The following ZNF628 variants were observed in gnomAD, a reference collection of about 807,000 sequenced individuals.
ZNF628 encodes the protein zinc finger protein 628, also known as zinc finger protein Zec.
ZNF628 carries 3 observed loss-of-function variants against 2.5 expected under a neutral mutation model. The ratio of observed to expected loss-of-function variants is 1.19; its 90% CI spans 0.54 to 3.07. ZNF628 has a LOEUF of 3.07. Ranked by LOEUF, ZNF628 falls within the 30% of genes most tolerant of loss-of-function variation. ZNF628 has a pLI of 0.03. For synonymous variants in ZNF628, 861 were observed against 717.1 expected, an observed-to-expected ratio of 1.20 and a Z score of -3.21; for missense variants, 1,610 against 1,517.1, an observed-to-expected ratio of 1.06 and a Z score of -1.02.
At position 55,483,095 on chromosome 19, in the gene ZNF628, C is replaced by A. The variant is rs778452703; in HGVS notation, c.1902C>A (p.Ala634=). ...CPICGRGFVM[A]AYLQRHLRTH... ...TCTGCGGTCGCGGCTTCGTTATGGC[C>A]GCCTATCTGCAGCGGCACCTGAGGA... The change falls in exon 3 of 3, where the codon GCC becomes GCA. Residue 634 remains alanine, a synonymous_variant. Transcript: ENST00000598519. 3 of 1,606,002 alleles carry A rather than the reference C, an allele frequency of 1.9e-6. No individual in the cohort carries two copies. Among genetic ancestry groups the A allele is most frequent in the South Asian group, 1.1e-5 (1 of 90,924 alleles).
Position 55,482,778 on chromosome 19 carries a change from C to A in ZNF628, c.1585C>A (p.Leu529Met), listed in dbSNP as rs1426382104. The change falls in exon 3 of 3, where the codon CTG becomes ATG. Residue 529 changes from leucine (L) to methionine (M), a missense_variant. Coordinates refer to ENST00000598519, the MANE Select transcript of ZNF628 (RefSeq NM_033113.3). ...FKWSSHYQYHLRLHSGERPYA... is the reference protein window; with the variant it reads ...FKWSSHYQYHMRLHSGERPYA... ...GTGGTCGTCCCACTACCAGTACCAC[C>A]TGCGGCTGCACTCTGGCGAGCGGCC... The A allele has an allele frequency of 6.2e-7, 1 of 1,611,044 alleles. No homozygotes were observed. The highest frequency in any genetic ancestry group is 8.5e-7 in the Non-Finnish European group (1 of 1,178,220).
rs1461341101 is a variant in ZNF628, at chr19:55,482,646, G to T, written c.1453G>T (p.Gly485Cys). 2 of 1,609,224 alleles carry T rather than the reference G, an allele frequency of 1.2e-6. No individual in the cohort carries two copies. Among genetic ancestry groups the T allele is most frequent in the Non-Finnish European group, 1.7e-6 (2 of 1,178,650 alleles). ...DHTGERPYQC[G>C]ECGKAFKRSS... ...CACGGGCGAGCGGCCCTACCAGTGT[G>T]GCGAGTGCGGCAAGGCCTTCAAGCG... The change falls in exon 3 of 3, where the codon GGC becomes TGC. Residue 485 changes from glycine (G) to cysteine (C), a missense_variant. Coordinates refer to ENST00000598519, the MANE Select transcript of ZNF628 (RefSeq NM_033113.3).
At chr19:55,480,132 T>C (rs997207758) in intron 2 of ZNF628, among the ~76,000 whole-genome samples, 3 of 151,820 alleles carry the variant, frequency 2.0e-5, no homozygotes, top group Non-Finnish European at 4.4e-5. Flanking sequence ...GGATGGTAGA[T>C]GGGCTGGAGT....
Position 55,481,250 on chromosome 19 carries a change from G to A in ZNF628, c.57G>A (p.Glu19=). 1 of 1,581,988 alleles carries A rather than the reference G, an allele frequency of 6.3e-7. No individual in the cohort carries two copies. Among genetic ancestry groups the A allele is most frequent in the Non-Finnish European group, 8.6e-7 (1 of 1,166,636 alleles). Residue 19 remains glutamate (E), a synonymous_variant, in exon 3 of 3, where the codon GAG becomes GAA. Transcript: ENST00000598519. ...HADMAPASTA[E]GAGEKPGPAA... ...ACATGGCGCCGGCCTCTACTGCGGAGGGGGCCGGGGAGAAGCCAGGCCCTG... is the reference window on the plus strand; with the variant it reads ...ACATGGCGCCGGCCTCTACTGCGGAAGGGGCCGGGGAGAAGCCAGGCCCTG...
In ZNF628 at chr19:55,484,319, C is replaced by A; in HGVS notation, c.3126C>A (p.Pro1042=). The A allele has an allele frequency of 6.7e-7, 1 of 1,490,544 alleles. No homozygotes were observed. The highest frequency in any genetic ancestry group is 2.5e-5 in the Admixed American group (1 of 39,920). 92.3% of individuals were successfully genotyped at this position (1,490,544 alleles called of 1,614,324 possible). The change falls in exon 3 of 3, where the codon CCC becomes CCA. Residue 1042 remains proline (P), a synonymous_variant. Coordinates refer to ENST00000598519, the MANE Select transcript of ZNF628 (RefSeq NM_033113.3). ...GPGVMTPQGL[P]SIQIVQTLPA... Reference sequence around the variant, plus strand: ...GTGTTATGACCCCTCAGGGCCTGCCCTCCATCCAGATTGTCCAGACTCTAC... The same window carrying A: ...GTGTTATGACCCCTCAGGGCCTGCCATCCATCCAGATTGTCCAGACTCTAC...
rs1986553222 is a variant in ZNF628, at chr19:55,476,752, A to G, written c.-133A>G. On this transcript the variant is annotated 5_prime_UTR_variant, in exon 1 of 3. Transcript: ENST00000598519. Reference sequence around the variant, plus strand: ...CTGCCGGGGCCCCACCTTCCCGTCGACCCCCGCGGGAAGGTCCTGGGGCTG... The same window carrying G: ...CTGCCGGGGCCCCACCTTCCCGTCGGCCCCCGCGGGAAGGTCCTGGGGCTG... The G allele has an allele frequency of 7.9e-6, 1 of 126,920 alleles. No individual in the cohort carries two copies. The highest frequency in any genetic ancestry group is 2.8e-4 in the South Asian group (1 of 3,576). 7.9% of individuals were successfully genotyped at this position (126,920 alleles called of 1,614,324 possible). A position where few individuals can be genotyped will look rare whatever the true frequency, so the allele number is the denominator to read the frequency against.
chr19:55,483,239 C>T lies in ZNF628; in HGVS notation c.2046C>T (p.Pro682=), dbSNP rs1986796123. 1.2e-5 allele frequency: 19 copies of T among 1,536,628 alleles called. No homozygotes were observed. The highest frequency in any genetic ancestry group is 1.5e-5 in the Non-Finnish European group (17 of 1,146,796). Residue 682 remains proline (P), a synonymous_variant, in exon 3 of 3, where the codon CCC becomes CCT. Coordinates refer to ENST00000598519, the MANE Select transcript of ZNF628 (RefSeq NM_033113.3). ...PPATQDVHVL[P]HLQATLSLEV... is the part of the protein sequence containing the mutation. Reference sequence around the variant, plus strand: ...CCACCCAAGATGTCCACGTCCTGCCCCACCTCCAGGCCACGCTCTCCCTCG... The same window carrying T: ...CCACCCAAGATGTCCACGTCCTGCCTCACCTCCAGGCCACGCTCTCCCTCG...
chr19:55,482,508 G>GCCCCCCCCCCCCC lies in ZNF628; in HGVS notation c.1315_1316insCCCCCCCCCCCCC (p.Val439AlafsTer451). ...GGAACCGCTGGCGCCTGCCGCCCCCGTCCCGCCGCCACCCCCGTCCGCCCC... is the reference window on the plus strand; with the variant it reads ...GGAACCGCTGGCGCCTGCCGCCCCCGCCCCCCCCCCCCCTCCCGCCGCCACCCCCGTCCGCCCC... On this transcript the variant is annotated frameshift_variant, in exon 3 of 3. Transcript: ENST00000598519. LOFTEE classifies it low-confidence loss of function (END_TRUNC). 1.9e-5 allele frequency: 25 copies of GCCCCCCCCCCCCC among 1,296,268 alleles called. No homozygotes were observed. Among genetic ancestry groups the GCCCCCCCCCCCCC allele is most frequent in the Non-Finnish European group, 2.5e-5 (24 of 971,356 alleles). 80.3% of individuals were successfully genotyped at this position (1,296,268 alleles called of 1,614,324 possible).
rs1278739805 is a variant in ZNF628 at position 55,484,013 on chromosome 19, C to T, written c.2820C>T (p.Ser940=). The T allele has an allele frequency of 2.5e-6, 4 of 1,591,002 alleles. No individual in the cohort carries two copies. The highest frequency in any genetic ancestry group is 3.5e-5 in the Admixed American group (2 of 57,672). The change falls in exon 3 of 3, where the codon AGC becomes AGT. Residue 940 remains serine, a synonymous_variant. Coordinates refer to ENST00000598519, the MANE Select transcript of ZNF628 (RefSeq NM_033113.3). Reference sequence around the variant, plus strand: ...GCTTGCAGAGCGTGCTGGTGCTGAGCGGGGCCGATGGCGAACAGACTCGAC... The same window carrying T: ...GCTTGCAGAGCGTGCTGGTGCTGAGTGGGGCCGATGGCGAACAGACTCGAC... ...DEGLQSVLVL[S]GADGEQTRLC...
In ZNF628 at chr19:55,483,878, G is replaced by T. The variant is rs1158095547; in HGVS notation, c.2685G>T (p.Gly895=). 1 of 1,607,232 alleles carries T rather than the reference G, an allele frequency of 6.2e-7. No individual in the cohort carries two copies. The highest frequency in any genetic ancestry group is 1.1e-5 in the South Asian group (1 of 90,376). Residue 895 remains glycine, a synonymous_variant, in exon 3 of 3, where the codon GGG becomes GGT. Coordinates refer to ENST00000598519, the MANE Select transcript of ZNF628 (RefSeq NM_033113.3). ...EAPNLLVVQS[G]AAEELLTGPG... ...CCAACCTGCTGGTTGTTCAGAGCGG[G>T]GCAGCTGAGGAGTTGCTCACTGGCC...
Position 55,482,433 on chromosome 19 carries a change from G to A in ZNF628, c.1240G>A (p.Ala414Thr), listed in dbSNP as rs1351278825. 1 of 1,353,378 alleles carries A rather than the reference G, an allele frequency of 7.4e-7. No individual in the cohort carries two copies. Among genetic ancestry groups the A allele is most frequent in the Non-Finnish European group, 9.5e-7 (1 of 1,057,258 alleles). The allele number at this position is 1,353,378 out of a possible 1,614,324, so 83.8% of individuals were successfully genotyped here. Residue 414 changes from alanine to threonine, a missense_variant, in exon 3 of 3, where the codon GCC becomes ACC. Transcript: ENST00000598519. ...HQQCHVEEAA[A>T]GRPPPQAEAA... ...GCAGTGCCACGTGGAAGAGGCCGCGGCCGGGCGCCCGCCCCCGCAGGCTGA... is the reference window on the plus strand; with the variant it reads ...GCAGTGCCACGTGGAAGAGGCCGCGACCGGGCGCCCGCCCCCGCAGGCTGA...
At position 55,479,907 on chromosome 19, in the gene ZNF628, A is replaced by C. The variant is rs924656755; in HGVS notation, c.-4A>C. The C allele has an allele frequency of 3.5e-5, 14 of 400,616 alleles. No individual in the cohort carries two copies. Among genetic ancestry groups the C allele is most frequent in the Non-Finnish European group, 6.2e-5 (14 of 227,058 alleles). The allele number at this position is 400,616 out of a possible 1,614,324, so 24.8% of individuals were successfully genotyped here. ...AGGGGCTGGAGGTTTCAGGAGAAAG[A>C]AGCATGTCAGGTAGTCACCTGGGGA... On this transcript the variant is annotated 5_prime_UTR_variant, in exon 2 of 3. Coordinates refer to ENST00000598519, the MANE Select transcript of ZNF628 (RefSeq NM_033113.3). This position sits in a 1 kb window ranked among gnomAD's most constrained non-coding sequence, Gnocchi z 5.1.
intron 2 of ZNF628, among the ~76,000 whole-genome samples, chr19:55,480,759 T>C (rs1986678427): frequency 6.6e-6 from 1 of 152,050 alleles, no homozygotes; most frequent in Non-Finnish European, 1.5e-5. Context: ...AGGCTTAGGG[T>C]ATGGCAGTGG....
intron 2 of ZNF628, among the ~76,000 whole-genome samples, chr19:55,480,121 T>C (rs1476191667): frequency 6.6e-6 from 1 of 151,920 alleles, no homozygotes; most frequent in African/African-American, 2.4e-5. Context: ...AAGGGCGCGC[T>C]GGATGGTAGA....
intron 1 of ZNF628, among the ~76,000 whole-genome samples, chr19:55,478,009 C>T (rs537533833): frequency 6.6e-6 from 1 of 152,148 alleles, no homozygotes; most frequent in African/African-American, 2.4e-5. Context: ...CTGGGGGCAA[C>T]GGTGCTCCCC....
In ZNF628 at chr19:55,483,584, G is replaced by A. The variant is rs974318181; in HGVS notation, c.2391G>A (p.Gln797=). 6.2e-7 allele frequency: 1 copy of A among 1,611,422 alleles called. No homozygotes were observed. Among genetic ancestry groups the A allele is most frequent in the Admixed American group, 1.7e-5 (1 of 59,956 alleles). The change falls in exon 3 of 3, where the codon CAG becomes CAA. Residue 797 remains glutamine (Q), a synonymous_variant. Coordinates refer to ENST00000598519, the MANE Select transcript of ZNF628 (RefSeq NM_033113.3). ...GCGCTGGGGCCAGCGGGACAGGGCA[G>A]AGCCTCATCGTTCTGCAGAATGTGG... ...AASAGASGTG[Q]SLIVLQNVGG...
intron 2 of ZNF628, among the ~76,000 whole-genome samples, chr19:55,480,516 G>A (rs1247136722): frequency 6.6e-6 from 1 of 152,210 alleles, no homozygotes. Flanking sequence ...CACCTCCTGT[G>A]TTCAAGCAAT....
intron 2 of ZNF628, among the ~76,000 whole-genome samples, chr19:55,480,238 C>G (rs1166929152): frequency 1.6e-5 from 2 of 124,372 alleles, no homozygotes; most frequent in Admixed American, 8.8e-5. Context: ...CATGAGGACA[C>G]TTTTTTTTTC....
rs34864744 is a variant in ZNF628, at chr19:55,481,893, A to G, written c.700A>G (p.Thr234Ala). The change falls in exon 3 of 3, where the codon ACC becomes GCC. Residue 234 changes from threonine (T) to alanine (A), a missense_variant. Thr to Ala is a moderately conservative substitution (Grantham distance 58). Coordinates refer to ENST00000598519, the MANE Select transcript of ZNF628 (RefSeq NM_033113.3). The stretch of plus-strand genomic sequence containing the variant: ...GCACGGCGCCGCCCCCGCCCCGGGT[A>G]CCGCCTCCGCGGCCCCGCCCCCCCA... ...RTHGAAPAPG[T>A]ASAAPPPQSR... 0.84 allele frequency: 1,260,503 copies of G among 1,503,444 alleles called. 534,319 individuals carry two copies. Among genetic ancestry groups the G allele is most frequent in the African/African-American group, 0.93 (65,560 of 70,380 alleles). The allele number at this position is 1,503,444 out of a possible 1,614,324, so 93.1% of individuals were successfully genotyped here. A position where few individuals can be genotyped will look rare whatever the true frequency, so the allele number is the denominator to read the frequency against.
Sources: allele counts gnomAD v4.1 joint callset (sites outside exome capture counted in the v4.1 genomes callset), GRCh38; gene constraint gnomAD v4.1.1; non-coding constraint Gnocchi (gnomAD v3.1); transcripts MANE v1.5; gene names NCBI Gene and HGNC (gene_info 2026-07-23, HGNC 2026-07-21).